Variants in SPECC1L observed in about 807,000 individuals in gnomAD.
SPECC1L encodes cytospin-A.
Under a neutral mutation model 116.8 loss-of-function variants are expected in SPECC1L, and 40 were observed. That is an observed-to-expected ratio of 0.34 (90% CI 0.27 to 0.45). The LOEUF is 0.45. Among genes scored for constraint, SPECC1L ranks in the 20% least tolerant of loss-of-function variants. The pLI is 1.00. For missense variants in SPECC1L, 1,110 were observed against 1,373.6 expected, an observed-to-expected ratio of 0.81 and a Z score of 3.03; for synonymous variants, 504 against 500.6, an observed-to-expected ratio of 1.01 and a Z score of -0.09.
rs372360724 is a variant in SPECC1L, at chr22:24,365,505, C to T, written c.2857C>T (p.Arg953Trp). 1.9e-5 allele frequency: 30 copies of T among 1,613,854 alleles called. No homozygotes were observed. The highest frequency in any genetic ancestry group is 2.7e-5 in the African/African-American group (2 of 74,876). Residue 953 changes from arginine (R) to tryptophan (W), a missense_variant, in exon 13 of 17, where the codon CGG becomes TGG. Physicochemically the swap from Arg to Trp is moderately radical, Grantham distance 101 (BLOSUM62 -3). Transcript: ENST00000314328. ...TCGACGAAGTAGTGAAGAAGTGAAA[C>T]GGGACATTTCTGCACAGGAGGGAGC... ...VSRRSSEEVK[R>W]DISAQEGASP... is the part of the protein sequence containing the mutation.
At chr22:24,393,720 C>T (rs1369333026) in intron 14 of SPECC1L, among the ~76,000 whole-genome samples, 1 of 152,000 alleles carries the variant, frequency 6.6e-6, no homozygotes, top group Non-Finnish European at 1.5e-5. Flanking sequence ...AACTTGATAA[C>T]TTTTGACATA....
intron 16 of SPECC1L, among the ~76,000 whole-genome samples, chr22:24,413,271 G>A (rs1051045782): frequency 3.9e-5 from 6 of 152,180 alleles, no homozygotes; most frequent in East Asian, 3.9e-4. Flanking sequence ...GGCCTCTCAC[G>A]CTTCTACCTT....
At chr22:24,278,072 A>G (rs71242622) in intron 2 of SPECC1L, among the ~76,000 whole-genome samples, 1 of 152,170 alleles carries the variant, frequency 6.6e-6, no homozygotes, top group Non-Finnish European at 1.5e-5. Flanking sequence ...AAGTGGGATT[A>G]GGCTGGGCAC....
At chr22:24,358,231 C>G (rs2041571647) in intron 11 of SPECC1L, among the ~76,000 whole-genome samples, 1 of 151,182 alleles carries the variant, frequency 6.6e-6, no homozygotes, top group Non-Finnish European at 1.5e-5. Context: ...CCTCCCACGT[C>G]AGTCCCCCAA....
intron 3 of SPECC1L, among the ~76,000 whole-genome samples, chr22:24,304,126 A>G (rs2049442127): frequency 6.6e-6 from 1 of 151,900 alleles, no homozygotes. Context: ...GCACCTAGAT[A>G]CTTCCTACAA....
intron 14 of SPECC1L, among the ~76,000 whole-genome samples, chr22:24,401,803 C>T (rs911162000): frequency 6.6e-6 from 1 of 152,200 alleles, no homozygotes; most frequent in African/African-American, 2.4e-5. Flanking sequence ...CTTTAAAGAA[C>T]ATTATGCCCT....
intron 15 of SPECC1L, 89 bp downstream of exon 15, chr22:24,411,793 T>C: frequency 9.2e-7 from 1 of 1,085,742 alleles, no homozygotes; most frequent in South Asian, 1.2e-5. Context: ...GCAGGTCACA[T>C]GCCACAGCGC....
chr22:24,316,430 C>T (rs931714252), intron 4 of SPECC1L, among the ~76,000 whole-genome samples: 3 of 151,058 alleles, frequency 2.0e-5, no homozygotes, highest in Non-Finnish European at 4.4e-5. Context: ...CTGCGGCCTT[C>T]CGCAGTGTTT....
At chr22:24,376,848 T>A (rs1273358614) in intron 14 of SPECC1L, among the ~76,000 whole-genome samples, 1 of 152,040 alleles carries the variant, frequency 6.6e-6, no homozygotes, top group Non-Finnish European at 1.5e-5. Context: ...GAACTTTTTT[T>A]ATTGAGATAT....
chr22:24,319,357 C>T (rs1296420760), intron 4 of SPECC1L, among the ~76,000 whole-genome samples: 3 of 152,162 alleles, frequency 2.0e-5, no homozygotes, highest in Non-Finnish European at 4.4e-5. Flanking sequence ...CCCTTACCAT[C>T]GGCTGTCATG....
intron 1 of SPECC1L, among the ~76,000 whole-genome samples, chr22:24,273,442 T>C (rs762871826): frequency 7.2e-5 from 11 of 152,218 alleles, no homozygotes; most frequent in Non-Finnish European, 1.5e-4. Flanking sequence ...AAAGCATCTT[T>C]TATGAAATGA....
Position 24,322,142 on chromosome 22 carries a change from G to A in SPECC1L, c.1162G>A (p.Ala388Thr). 1.2e-6 allele frequency: 2 copies of A among 1,613,952 alleles called. No homozygotes were observed. The highest frequency in any genetic ancestry group is 8.5e-7 in the Non-Finnish European group (1 of 1,180,036). The change falls in exon 5 of 17, where the codon GCC (alanine) becomes ACC (threonine). Residue 388 changes from alanine to threonine, a missense_variant. Transcript: ENST00000314328. ...CTCCCGGAAGGGGAGCAGCGGGAAT[G>A]CCAGTGAAGTGTCCGTGGCTTGCCT... ...ERSRKGSSGN[A>T]SEVSVACLTE...
intron 3 of SPECC1L, among the ~76,000 whole-genome samples, chr22:24,302,927 C>T (rs1465465175): frequency 6.6e-6 from 1 of 151,858 alleles, no homozygotes; most frequent in Admixed American, 6.6e-5. Flanking sequence ...GGCAGCTGGT[C>T]CACGATGATG....
intron 12 of SPECC1L, among the ~76,000 whole-genome samples, chr22:24,365,211 T>A (rs530840267): frequency 1.2e-4 from 18 of 152,330 alleles, no homozygotes; most frequent in African/African-American, 4.1e-4. Flanking sequence ...TTTCACCATG[T>A]TGGCCAGGCT....
At chr22:24,357,124 C>G (rs1569433392) in intron 11 of SPECC1L, among the ~76,000 whole-genome samples, 1 of 152,120 alleles carries the variant, frequency 6.6e-6, no homozygotes, top group Non-Finnish European at 1.5e-5. Flanking sequence ...TGTCTAATTT[C>G]AGCAGAGAGA....
rs568602912 is a variant in SPECC1L at position 24,378,321 on chromosome 22, T to G, written c.3087+9001T>G. Among the ~76,000 whole-genome samples the G allele has an allele frequency of 3.3e-5, 5 of 152,364 alleles. No individual in the cohort carries two copies. The South Asian group carries it at 1.0e-3, about 32-fold the overall frequency. ...TTAGGGCCTTGCTGTGGATTCAGCT[T>G]TGGCTTAAGGGAATGTTGTAGCTGG... On this transcript the variant is annotated intron_variant, in intron 14 of 16. Transcript: ENST00000314328.
rs2041685195 is a variant in SPECC1L, at chr22:24,363,454, T to G, written c.2827+110T>G. 3 of 940,084 alleles carry G rather than the reference T, an allele frequency of 3.2e-6. No homozygotes were observed. In the African/African-American group the frequency reaches 4.9e-5, roughly 15 times the overall value. 58.2% of individuals were successfully genotyped at this position (940,084 alleles called of 1,614,324 possible). ...TCCTGGCCTCAAGCTATGCTCTCAC[T>G]GGCCTCAAGCTGTCCTCTCACCTTG... On this transcript the variant is annotated intron_variant, in intron 12 of 16. Transcript: ENST00000314328.
At chr22:24,347,694 A>C (rs2041327738) in intron 11 of SPECC1L, among the ~76,000 whole-genome samples, 3 of 151,542 alleles carry the variant, frequency 2.0e-5, no homozygotes, top group Admixed American at 2.0e-4. Flanking sequence ...TTTTTTTTTT[A>C]AGCTGGAGTA....
Position 24,306,636 on chromosome 22 carries a change from G to A in SPECC1L, c.153+4252G>A, listed in dbSNP as rs559394325. On this transcript the variant is annotated intron_variant, in intron 3 of 16. Coordinates refer to ENST00000314328, the MANE Select transcript of SPECC1L (RefSeq NM_015330.6). ...TGGCTTCAAGTAATTCTCCTGTGAC[G>A]GTGGGATTTTAGGTGTGAGCCACTG... is the stretch of plus-strand genomic sequence containing the variant. Among the ~76,000 whole-genome samples the A allele has an allele frequency of 2.6e-5, 4 of 152,206 alleles. No homozygotes were observed. In the East Asian group the frequency reaches 5.8e-4, roughly 22 times the overall value.
Sources: gnomAD v4.1 joint callset for allele counts (sites outside exome capture counted in the v4.1 genomes callset) on GRCh38, gnomAD v4.1.1 for gene constraint, MANE v1.5 for transcripts, NCBI Gene and HGNC (gene_info 2026-07-23, HGNC 2026-07-21) for gene names.